R3HDM1: variants seen among roughly 807,000 people sequenced by gnomAD.
R3HDM1 encodes the protein R3H domain containing 1.
Under a neutral mutation model 141.1 loss-of-function variants are expected in R3HDM1, and 46 were observed. That is an observed-to-expected ratio of 0.33 (90% CI 0.26 to 0.42). The LOEUF (loss-of-function observed/expected upper bound fraction) is 0.42, where lower values mean the gene tolerates loss of function less well. Among genes scored for constraint, R3HDM1 ranks in the 10% least tolerant of loss-of-function variants. The probability of loss-of-function intolerance (pLI) is 1.00; values close to 1 mark genes in which losing one functional copy is unlikely to be tolerated. For missense variants in R3HDM1, 1,184 were observed against 1,368.3 expected, an observed-to-expected ratio of 0.87 and a Z score of 2.12; for synonymous variants, 435 against 472.9, an observed-to-expected ratio of 0.92 and a Z score of 1.04.
chr2:135,544,799 T>TA (rs1246431446), intron 1 of R3HDM1, among the ~76,000 whole-genome samples: 1 of 152,106 alleles, frequency 6.6e-6, no homozygotes, highest in Non-Finnish European at 1.5e-5. Context: ...TCATCTCTAC[T>TA]AAAAATACAA....
chr2:135,564,121 A>G (rs1367721898), intron 1 of R3HDM1, among the ~76,000 whole-genome samples: 1 of 152,172 alleles, frequency 6.6e-6, no homozygotes, highest in Non-Finnish European at 1.5e-5. Context: ...CACCTCCAAC[A>G]TTGGGGATTA....
rs1379434662 is a variant in R3HDM1, at chr2:135,680,888, T to C, written c.2459+564T>C. On this transcript the variant is annotated intron_variant, in intron 21 of 26. Coordinates refer to ENST00000683871, the MANE Select transcript of R3HDM1 (RefSeq NM_001378107.1). ...CCTAAAAATTAGGCCAATCTTCTGT[T>C]ACTCACACAAATGGAGTAACAGTTG... is the stretch of plus-strand genomic sequence containing the variant. Among the ~76,000 whole-genome samples, 4 of 152,226 alleles carry C rather than the reference T, an allele frequency of 2.6e-5. No homozygotes were observed. In the East Asian group the frequency reaches 7.7e-4, roughly 29 times the overall value.
Position 135,679,936 on chromosome 2 carries a change from C to T in R3HDM1, c.2308-237C>T, listed in dbSNP as rs1025524203. ...CTCTACTAAAAATACAAAAATTAGC[C>T]AGGCATGGTAGCGCATGCCTGTAGT... On this transcript the variant is annotated intron_variant, in intron 20 of 26. Coordinates refer to ENST00000683871, the MANE Select transcript of R3HDM1 (RefSeq NM_001378107.1). Among the ~76,000 whole-genome samples, 6 of 152,078 alleles carry T rather than the reference C, an allele frequency of 3.9e-5. No homozygotes were observed. In the South Asian group the frequency reaches 6.2e-4, roughly 16 times the overall value.
chr2:135,677,878 T>A (rs2069475582), intron 20 of R3HDM1, among the ~76,000 whole-genome samples: 1 of 151,992 alleles, frequency 6.6e-6, no homozygotes, highest in African/African-American at 2.4e-5. Context: ...TGACTTTCCC[T>A]CCAGTGTATT....
chr2:135,686,333 C>T (rs952546294), intron 21 of R3HDM1, among the ~76,000 whole-genome samples: 5 of 152,182 alleles, frequency 3.3e-5, no homozygotes, highest in African/African-American at 4.8e-5. Context: ...GATATTTATG[C>T]AGAAGAATTG....
At chr2:135,569,718 C>CTTTTTTTTTTTTT (rs139858819) in intron 1 of R3HDM1, among the ~76,000 whole-genome samples, 3 of 129,344 alleles carry the variant, frequency 2.3e-5, no homozygotes, top group African/African-American at 3.9e-5. Flanking sequence ...ATAGTAAGCT[C>CTTTTTTTTTTTTT]TTTTTTTTTT....
At chr2:135,653,859 C>T (rs1317802402) in intron 18 of R3HDM1, among the ~76,000 whole-genome samples, 2 of 152,062 alleles carry the variant, frequency 1.3e-5, no homozygotes, top group East Asian at 3.9e-4. Flanking sequence ...ACCCAGTAGG[C>T]GGAGGTTGCA....
intron 21 of R3HDM1, 102 bp downstream of exon 21, chr2:135,680,426 C>A: frequency 7.7e-7 from 1 of 1,290,452 alleles, no homozygotes; most frequent in Non-Finnish European, 1.1e-6. Context: ...TACTTGAGAA[C>A]ATTCTCTAAT....
intron 1 of R3HDM1, among the ~76,000 whole-genome samples, chr2:135,568,497 C>T (rs1054410235): frequency 1.8e-4 from 28 of 151,778 alleles, no homozygotes; most frequent in African/African-American, 6.1e-4. Context: ...TTACAGTGTC[C>T]GTCACTACAC....
chr2:135,635,843 G>A (rs1246545708), intron 9 of R3HDM1, 47 bp from the exon 10 acceptor site: 1 of 1,533,698 alleles, frequency 6.5e-7, no homozygotes, highest in Non-Finnish European at 8.7e-7. Flanking sequence ...TGCTAATATT[G>A]TTCATTATCT....
At chr2:135,577,045 A>C in intron 1 of R3HDM1, 1 of 583,556 alleles carries the variant, frequency 1.7e-6, no homozygotes, top group Non-Finnish European at 2.1e-6. Flanking sequence ...GTTACAAAAG[A>C]AAAAAAAAAA....
chr2:135,636,003 T>C lies in R3HDM1; in HGVS notation c.807+5T>C. On this transcript the variant is annotated splice_donor_5th_base_variant and intron_variant, in intron 10 of 26. Transcript: ENST00000683871. ...TTTGACAAAGATGATAACCAGGTAA[T>C]CTAGAACAATTGTAGGATTTGTATA... is the stretch of plus-strand genomic sequence containing the variant. 6.2e-7 allele frequency: 1 copy of C among 1,609,366 alleles called. No individual in the cohort carries two copies. Among genetic ancestry groups the C allele is most frequent in the Middle Eastern group, 1.7e-4 (1 of 6,016 alleles).
At chr2:135,694,119 A>G (rs1230926878) in intron 21 of R3HDM1, among the ~76,000 whole-genome samples, 1 of 152,232 alleles carries the variant, frequency 6.6e-6, no homozygotes, top group Non-Finnish European at 1.5e-5. Flanking sequence ...TTATTCCTCA[A>G]GTAACTTCTA....
intron 19 of R3HDM1, chr2:135,670,155 A>AT: frequency 1.6e-5 from 5 of 321,716 alleles, no homozygotes; most frequent in African/African-American, 7.2e-5. Context: ...AAAAAAAAAA[A>AT]AAACCAACAA....
chr2:135,556,685 A>C (rs1455030081), intron 1 of R3HDM1, among the ~76,000 whole-genome samples: 1 of 151,758 alleles, frequency 6.6e-6, no homozygotes, highest in Non-Finnish European at 1.5e-5. Flanking sequence ...CACCCGGCTA[A>C]TTTTTTGTAT....
At chr2:135,661,530 T>G (rs2066709816) in intron 19 of R3HDM1, 137 bp downstream of exon 19, 2 of 1,137,614 alleles carry the variant, frequency 1.8e-6, no homozygotes, top group Non-Finnish European at 2.5e-6. Flanking sequence ...TGCAAACCAA[T>G]GAGATTAAAA....
At chr2:135,549,019 GGAA>G (rs1699298660) in intron 1 of R3HDM1, among the ~76,000 whole-genome samples, 2 of 152,238 alleles carry the variant, frequency 1.3e-5, no homozygotes, top group African/African-American at 2.4e-5. Flanking sequence ...AATAAGAGCA[GGAA>G]GAAGATTATT....
At chr2:135,624,854 A>G (rs1033534768) in intron 7 of R3HDM1, among the ~76,000 whole-genome samples, 1 of 152,274 alleles carries the variant, frequency 6.6e-6, no homozygotes, top group Non-Finnish European at 1.5e-5. Context: ...AGGAAGTATC[A>G]TGGCAGGACT....
At position 135,651,909 on chromosome 2, in the gene R3HDM1, ACCT is replaced by A. The variant is rs745816772; in HGVS notation, c.1917_1919del (p.Pro640del). 3.2e-6 allele frequency: 5 copies of A among 1,563,796 alleles called. No homozygotes were observed. The African/African-American group carries it at 5.5e-5, about 17-fold the overall frequency. On this transcript the variant is annotated inframe_deletion, in exon 18 of 27. Coordinates refer to ENST00000683871, the MANE Select transcript of R3HDM1 (RefSeq NM_001378107.1). ...ATCCTCCTCCACCGCCACCACCACC[ACCT>A]CCTCCTCCTCCCCTACCACCTGGGC...
Sources: allele counts gnomAD v4.1 joint callset (sites outside exome capture counted in the v4.1 genomes callset), GRCh38; gene constraint gnomAD v4.1.1; transcripts MANE v1.5; gene names NCBI Gene and HGNC (gene_info 2026-07-23, HGNC 2026-07-21).